Variants in TRPS1 observed in about 807,000 individuals in gnomAD.
The protein encoded by TRPS1 is zinc finger transcription factor Trps1.
TRPS1 carries 6 observed loss-of-function variants against 101.2 expected under a neutral mutation model. That is an observed-to-expected ratio of 0.06 (90% confidence interval 0.03 to 0.12). The LOEUF (loss-of-function observed/expected upper bound fraction) is 0.12, where lower values mean the gene tolerates loss of function less well. TRPS1 is among the 10% of genes least tolerant of loss of function. TRPS1 has a pLI of 1.00. For missense variants in TRPS1, 1,363 were observed against 1,567.0 expected (o/e 0.87, Z 2.20); for synonymous variants, 578 against 589.8 (o/e 0.98, Z 0.29).
chr8:115,461,696 T>C (rs1213862538), intron 5 of TRPS1, among the ~76,000 whole-genome samples: 1 of 152,180 alleles, frequency 6.6e-6, no homozygotes, highest in Non-Finnish European at 1.5e-5. Context: ...TTGAAACATA[T>C]TATGAAGTTT....
intron 1 of TRPS1, among the ~76,000 whole-genome samples, chr8:115,633,833 C>T (rs1042962189): frequency 1.2e-4 from 19 of 152,104 alleles, no homozygotes; most frequent in African/African-American, 3.9e-4. Context: ...ATCAGTAGAC[C>T]GAGGTATCCC....
At chr8:115,501,918 T>C (rs1429204516) in intron 5 of TRPS1, among the ~76,000 whole-genome samples, 16 of 152,032 alleles carry the variant, frequency 1.1e-4, no homozygotes, top group Admixed American at 1.0e-3. Flanking sequence ...TTCCAGTCCA[T>C]CTTCATTGCC....
chr8:115,497,081 T>C (rs954727503), intron 5 of TRPS1, among the ~76,000 whole-genome samples: 6 of 152,214 alleles, frequency 3.9e-5, no homozygotes, highest in Non-Finnish European at 7.3e-5. Flanking sequence ...ACTTTGCTCA[T>C]GGGACTATTC....
intron 4 of TRPS1, among the ~76,000 whole-genome samples, chr8:115,599,244 A>C (rs1418484477): frequency 1.3e-5 from 2 of 152,116 alleles, no homozygotes; most frequent in Non-Finnish European, 2.9e-5. Context: ...TATGTAGTTT[A>C]ATCAATCCAT....
chr8:115,468,016 C>T lies in TRPS1; in HGVS notation c.2701-49564G>A, dbSNP rs577367381. 2.6e-5 allele frequency among the ~76,000 whole-genome samples: 4 copies of T among 152,278 alleles called. No homozygotes were observed. In the East Asian group the frequency reaches 5.8e-4, roughly 22 times the overall value. On this transcript the variant is annotated intron_variant, in intron 5 of 6. Transcript: ENST00000395715. ...TAGATTTTTCGTGCCTACAGAAATT[C>T]CCCATGAAGATTCCACTATTCCACA...
At chr8:115,666,790 G>A (rs1811931026) in intron 1 of TRPS1, among the ~76,000 whole-genome samples, 1 of 152,194 alleles carries the variant, frequency 6.6e-6, no homozygotes, top group Admixed American at 6.5e-5. Context: ...ACCAGGCCCA[G>A]AGTTATCATT....
intron 5 of TRPS1, among the ~76,000 whole-genome samples, chr8:115,507,244 G>T (rs1022825843): frequency 1.3e-5 from 2 of 152,024 alleles, no homozygotes; most frequent in Non-Finnish European, 2.9e-5. Context: ...ATTAGGGCTC[G>T]TACGAGAAGA....
At chr8:115,525,279 T>G (rs755409189) in intron 5 of TRPS1, among the ~76,000 whole-genome samples, 13 of 152,122 alleles carry the variant, frequency 8.5e-5, no homozygotes, top group Non-Finnish European at 1.6e-4. Flanking sequence ...ACTAATTCAA[T>G]GCCCTACAAA....
At chr8:115,498,690 A>G (rs1815229037) in intron 5 of TRPS1, among the ~76,000 whole-genome samples, 1 of 152,026 alleles carries the variant, frequency 6.6e-6, no homozygotes, top group South Asian at 2.1e-4. Flanking sequence ...CAAAGTAAAG[A>G]AAAACAAACT....
chr8:115,568,050 A>G (rs1817110812), intron 5 of TRPS1, among the ~76,000 whole-genome samples: 1 of 152,228 alleles, frequency 6.6e-6, no homozygotes, highest in Middle Eastern at 3.4e-3. Flanking sequence ...AATGCCCAGC[A>G]TCATAATGTT....
At chr8:115,578,052 GTTC>G (rs1396738259) in intron 5 of TRPS1, among the ~76,000 whole-genome samples, 7 of 152,120 alleles carry the variant, frequency 4.6e-5, no homozygotes, top group Admixed American at 2.6e-4. Context: ...AAGAAAATGA[GTTC>G]TTCTTACAAA....
chr8:115,620,936 C>T (rs1428154936), intron 2 of TRPS1, among the ~76,000 whole-genome samples: 1 of 152,190 alleles, frequency 6.6e-6, no homozygotes, highest in Non-Finnish European at 1.5e-5. Flanking sequence ...GAAGATTAAG[C>T]TGAACCATAT....
chr8:115,515,576 T>A (rs575590250), intron 5 of TRPS1, among the ~76,000 whole-genome samples: 1 of 54,020 alleles, frequency 1.9e-5, no homozygotes, highest in Non-Finnish European at 3.5e-5. Context: ...TTCATGTTGA[T>A]AAGACATTAA....
chr8:115,524,873 G>T (rs1815956928), intron 5 of TRPS1, among the ~76,000 whole-genome samples: 1 of 152,034 alleles, frequency 6.6e-6, no homozygotes, highest in South Asian at 2.1e-4. Context: ...GATCAAAGTT[G>T]CTTATAGATA....
chr8:115,620,785 C>CA (rs1177869803), intron 2 of TRPS1, among the ~76,000 whole-genome samples: 1 of 152,200 alleles, frequency 6.6e-6, no homozygotes, highest in Non-Finnish European at 1.5e-5. Flanking sequence ...ACCTGCTATG[C>CA]ATCACAGTGG....
chr8:115,459,423 T>C (rs181050941), intron 5 of TRPS1, among the ~76,000 whole-genome samples: 5 of 152,270 alleles, frequency 3.3e-5, no homozygotes, highest in East Asian at 3.9e-4. Context: ...TTTTCTGAAG[T>C]TCCAATTGTT....
intron 1 of TRPS1, among the ~76,000 whole-genome samples, chr8:115,647,476 C>T (rs1811438677): frequency 6.6e-6 from 1 of 152,106 alleles, no homozygotes; most frequent in East Asian, 1.9e-4. Flanking sequence ...GCCTTATATA[C>T]ATATATAGCC....
chr8:115,665,343 T>C (rs1304122335), intron 1 of TRPS1, among the ~76,000 whole-genome samples: 3 of 152,184 alleles, frequency 2.0e-5, no homozygotes, highest in Non-Finnish European at 2.9e-5. Flanking sequence ...ATATTGTGGG[T>C]TGTATGTCTG....
chr8:115,667,825 A>T, intron 1 of TRPS1: 1 of 1,534,744 alleles, frequency 6.5e-7, no homozygotes, highest in East Asian at 2.4e-5. Flanking sequence ...GACCATACGG[A>T]GGCCCGTCTC....
Sources: allele counts gnomAD v4.1 joint callset (sites outside exome capture counted in the v4.1 genomes callset), GRCh38; gene constraint gnomAD v4.1.1; transcripts MANE v1.5; gene names NCBI Gene and HGNC (gene_info 2026-07-23, HGNC 2026-07-21).